The following KCNIP4 variants were observed in gnomAD, a reference collection of about 807,000 sequenced individuals.
The protein encoded by KCNIP4 is Kv channel-interacting protein 4.
A neutral mutation model predicts 34.0 loss-of-function variants in KCNIP4; 12 were observed. The observed-to-expected ratio is 0.35, with a 90% CI of 0.23 to 0.57. The LOEUF is 0.57. Among genes scored for constraint, KCNIP4 ranks in the 20% least tolerant of loss-of-function variants. The pLI is 0.83. For missense variants in KCNIP4, 238 were observed against 311.7 expected (o/e 0.76, Z 1.78); for synonymous variants, 124 against 102.2 (o/e 1.21, Z -1.29).
chr4:21,642,822 T>C (rs1172146136), intron 1 of KCNIP4, among the ~76,000 whole-genome samples: 1 of 152,114 alleles, frequency 6.6e-6, no homozygotes, highest in Non-Finnish European at 1.5e-5. Context: ...GAAATTGACC[T>C]GGTACTCTAC....
intron 1 of KCNIP4, among the ~76,000 whole-genome samples, chr4:21,124,198 T>A (rs907361845): frequency 7.9e-5 from 12 of 152,178 alleles, no homozygotes; most frequent in African/African-American, 2.7e-4. Flanking sequence ...GGTATCAACG[T>A]CATACAGTGT....
intron 1 of KCNIP4, among the ~76,000 whole-genome samples, chr4:21,893,387 A>G (rs544045973): frequency 1.7e-4 from 26 of 152,304 alleles, no homozygotes; most frequent in Non-Finnish European, 2.8e-4. Flanking sequence ...CATCCTTTTC[A>G]TGTTTTTAAT....
chr4:21,826,722 T>C (rs1722697379), intron 1 of KCNIP4, among the ~76,000 whole-genome samples: 1 of 152,162 alleles, frequency 6.6e-6, no homozygotes, highest in Non-Finnish European at 1.5e-5. Flanking sequence ...TAATAGTAAG[T>C]TGGAGAAAAA....
chr4:21,665,987 A>C (rs922258681), intron 1 of KCNIP4, among the ~76,000 whole-genome samples: 4 of 152,270 alleles, frequency 2.6e-5, no homozygotes, highest in African/African-American at 9.6e-5. Flanking sequence ...AAGAAATATA[A>C]ATCTATTAAT....
intron 1 of KCNIP4, among the ~76,000 whole-genome samples, chr4:21,340,778 T>G (rs561301761): frequency 1.3e-5 from 2 of 152,160 alleles, no homozygotes; most frequent in African/African-American, 4.8e-5. Flanking sequence ...AGTATATTTG[T>G]GGGAACTAAA....
In KCNIP4 at chr4:21,724,029, GA is replaced by G. The variant is rs573014248; in HGVS notation, c.61+224541del. ...GACTCAGGGAAGATTGTCAGGATGGGAGAATGCCATATGAGTTGGAGAGAAG... is the reference window on the plus strand; with the variant it reads ...GACTCAGGGAAGATTGTCAGGATGGGGAATGCCATATGAGTTGGAGAGAAG... On this transcript the variant is annotated intron_variant, in intron 1 of 8. Transcript: ENST00000382152. Among the ~76,000 whole-genome samples, 358 of 152,210 alleles carry G rather than the reference GA, an allele frequency of 2.4e-3. 1 individual carries two copies. Among genetic ancestry groups the G allele is most frequent in the African/African-American group, 8.4e-3 (348 of 41,550 alleles).
intron 1 of KCNIP4, among the ~76,000 whole-genome samples, chr4:21,053,073 G>T (rs1743070695): frequency 6.6e-6 from 1 of 151,530 alleles, no homozygotes; most frequent in Non-Finnish European, 1.5e-5. Context: ...CTGAGAGAGA[G>T]ATCAAATCTG....
chr4:20,867,147 GA>G (rs34894624), intron 2 of KCNIP4, among the ~76,000 whole-genome samples: 3 of 151,878 alleles, frequency 2.0e-5, no homozygotes, highest in Non-Finnish European at 2.9e-5. Flanking sequence ...CACAGAATTA[GA>G]AAAAAAGTAT....
chr4:20,847,520 T>C (rs1720520909), intron 3 of KCNIP4, among the ~76,000 whole-genome samples: 1 of 151,286 alleles, frequency 6.6e-6, no homozygotes, highest in African/African-American at 2.4e-5. Context: ...GACAGTGTAC[T>C]GTATTCTGTC....
chr4:21,423,462 C>T (rs1725663644), intron 1 of KCNIP4, among the ~76,000 whole-genome samples: 1 of 152,114 alleles, frequency 6.6e-6, no homozygotes, highest in Non-Finnish European at 1.5e-5. Context: ...CCATATGTAA[C>T]ATTATACCTA....
intron 1 of KCNIP4, among the ~76,000 whole-genome samples, chr4:21,460,306 T>C (rs1577396078): frequency 6.6e-6 from 1 of 152,100 alleles, no homozygotes; most frequent in African/African-American, 2.4e-5. Context: ...CCAAATGTCA[T>C]CTTCTCAGTG....
intron 1 of KCNIP4, among the ~76,000 whole-genome samples, chr4:20,991,250 C>T (rs753032234): frequency 1.1e-4 from 16 of 152,018 alleles, no homozygotes; most frequent in South Asian, 2.1e-4. Context: ...ATTTAAAATG[C>T]GAATGACCTT....
At chr4:21,157,240 G>T (rs912460706) in intron 1 of KCNIP4, among the ~76,000 whole-genome samples, 1 of 152,166 alleles carries the variant, frequency 6.6e-6, no homozygotes, top group Middle Eastern at 3.4e-3. Flanking sequence ...CAAGAACTAT[G>T]TATTTAAATG....
chr4:20,736,207 A>G (rs997144899), intron 5 of KCNIP4, among the ~76,000 whole-genome samples: 4 of 152,184 alleles, frequency 2.6e-5, no homozygotes, highest in Admixed American at 2.6e-4. Flanking sequence ...AGTATAAGAT[A>G]TATTTGTTTT....
At chr4:21,219,276 C>T (rs1385086085) in intron 1 of KCNIP4, among the ~76,000 whole-genome samples, 1 of 152,074 alleles carries the variant, frequency 6.6e-6, no homozygotes, top group East Asian at 1.9e-4. Context: ...AGGGATAAAC[C>T]CTTCCTGCAA....
At chr4:21,184,262 G>A (rs1289566355) in intron 1 of KCNIP4, among the ~76,000 whole-genome samples, 1 of 152,056 alleles carries the variant, frequency 6.6e-6, no homozygotes, top group Non-Finnish European at 1.5e-5. Flanking sequence ...ACTTAGAACA[G>A]TACCTGAAAC....
intron 3 of KCNIP4, among the ~76,000 whole-genome samples, chr4:20,816,964 A>G (rs1716469489): frequency 6.6e-6 from 1 of 152,192 alleles, no homozygotes; most frequent in African/African-American, 2.4e-5. Context: ...CTTGATGTTC[A>G]GGTCAGTTTT....
At chr4:21,277,930 T>C (rs1194014993) in intron 1 of KCNIP4, among the ~76,000 whole-genome samples, 1 of 152,056 alleles carries the variant, frequency 6.6e-6, no homozygotes, top group Admixed American at 6.6e-5. Flanking sequence ...ATAAAATAGG[T>C]TAGATGAAAA....
At chr4:21,711,396 T>C (rs9997062) in intron 1 of KCNIP4, among the ~76,000 whole-genome samples, 15,313 of 152,074 alleles carry the variant, frequency 0.1, 2,120 homozygotes, top group African/African-American at 0.31. Context: ...CGCTTGAACC[T>C]GGGAGGTGGA....
Sources: allele counts gnomAD v4.1 joint callset (sites outside exome capture counted in the v4.1 genomes callset), GRCh38; gene constraint gnomAD v4.1.1; transcripts MANE v1.5; gene names NCBI Gene and HGNC (gene_info 2026-07-23, HGNC 2026-07-21).